SUPT3H: variants seen among roughly 807,000 people sequenced by gnomAD.
SUPT3H encodes transcription initiation protein SPT3 homolog.
SUPT3H carries 44 observed loss-of-function variants against 44.3 expected under a neutral mutation model. That is an observed-to-expected ratio of 0.99 (90% CI 0.78 to 1.28). The LOEUF is 1.28. Ranked by LOEUF, SUPT3H falls within the 50% of genes most tolerant of loss-of-function variation. SUPT3H has a pLI of 0.00. For synonymous variants in SUPT3H, 124 were observed against 125.6 expected, an observed-to-expected ratio of 0.99 and a Z score of 0.09; for missense variants, 380 against 387.1, an observed-to-expected ratio of 0.98 and a Z score of 0.15.
At chr6:44,938,977 T>A (rs1309264337) in intron 9 of SUPT3H, among the ~76,000 whole-genome samples, 1 of 152,180 alleles carries the variant, frequency 6.6e-6, no homozygotes, top group African/African-American at 2.4e-5. Context: ...GTGGAATCTT[T>A]AGGTTTTTCT....
At chr6:45,117,124 G>C (rs1300126) in intron 2 of SUPT3H, among the ~76,000 whole-genome samples, 93,811 of 151,808 alleles carry the variant, frequency 0.62, 29,573 homozygotes, top group African/African-American at 0.75. Flanking sequence ...TAAAAAAAAA[G>C]TTATAAAACT....
In SUPT3H at chr6:44,959,577, TATA is replaced by T. The variant is rs139943998; in HGVS notation, c.580+2173_580+2175del. 5.4e-3 allele frequency among the ~76,000 whole-genome samples: 821 copies of T among 152,186 alleles called. 11 individuals are homozygous for T. The highest frequency in any genetic ancestry group is 0.019 in the African/African-American group (791 of 41,556). ...TATAAATTTTAATGATTTAAATTAT[TATA>T]AATTATTCTTTATGATTATGAGCTT... On this transcript the variant is annotated intron_variant, in intron 7 of 10. Transcript: ENST00000371459.
intron 2 of SUPT3H, among the ~76,000 whole-genome samples, chr6:45,261,070 C>A (rs1774282837): frequency 6.6e-6 from 1 of 151,894 alleles, no homozygotes; most frequent in South Asian, 2.1e-4. Flanking sequence ...TTTTAAAACC[C>A]TACCAATCAA....
intron 10 of SUPT3H, among the ~76,000 whole-genome samples, chr6:44,876,828 C>A: frequency 1.0e-5 from 1 of 96,700 alleles, no homozygotes. Context: ...AAATAAAGAT[C>A]TTCAATTGAA....
At chr6:44,865,811 G>C (rs918454386) in intron 10 of SUPT3H, among the ~76,000 whole-genome samples, 4 of 152,144 alleles carry the variant, frequency 2.6e-5, no homozygotes, top group African/African-American at 4.8e-5. Context: ...CATATATTAA[G>C]TAGAATGTTC....
chr6:45,354,762 G>A (rs1288268326), intron 2 of SUPT3H, among the ~76,000 whole-genome samples: 1 of 152,126 alleles, frequency 6.6e-6, no homozygotes, highest in Admixed American at 6.6e-5. Context: ...TACTTTGGGA[G>A]GCTGAGGCAG....
intron 2 of SUPT3H, among the ~76,000 whole-genome samples, chr6:45,234,209 T>C (rs181876626): frequency 5.3e-5 from 8 of 152,274 alleles, no homozygotes; most frequent in Admixed American, 4.6e-4. Flanking sequence ...CTGGAGTGAG[T>C]ATCAGTTACA....
At position 45,231,725 on chromosome 6, in the gene SUPT3H, A is replaced by G. The variant is rs1198725497; in HGVS notation, c.102-125719T>C. ...CTCTCCTCAACCTTCAGGGATACTAATAACTCATACATTTGATCACTATGT... is the reference window on the plus strand; with the variant it reads ...CTCTCCTCAACCTTCAGGGATACTAGTAACTCATACATTTGATCACTATGT... On this transcript the variant is annotated intron_variant, in intron 2 of 10. Transcript: ENST00000371459. Among the ~76,000 whole-genome samples the G allele has an allele frequency of 7.9e-5, 12 of 152,192 alleles. 1 individual carries two copies. Among genetic ancestry groups the G allele is most frequent in the Admixed American group, 7.9e-4 (12 of 15,282 alleles).
chr6:45,092,641 T>C lies in SUPT3H; in HGVS notation c.186+13281A>G, dbSNP rs564443550. 2.4e-4 allele frequency among the ~76,000 whole-genome samples: 36 copies of C among 150,924 alleles called. No homozygotes were observed. The South Asian group carries it at 5.2e-3, about 22-fold the overall frequency. On this transcript the variant is annotated intron_variant, in intron 3 of 10. Transcript: ENST00000371459. ...GGCAGGCACCTGTAATCCCAGCTAC[T>C]TGGGGGACCGAGGCAGGAGAATTAC...
chr6:45,117,421 T>A (rs141991788), intron 2 of SUPT3H, among the ~76,000 whole-genome samples: 1 of 152,226 alleles, frequency 6.6e-6, no homozygotes. Context: ...TATACTGATA[T>A]CAATTGTGAG....
At chr6:45,160,616 A>G (rs1022841844) in intron 2 of SUPT3H, among the ~76,000 whole-genome samples, 2 of 150,976 alleles carry the variant, frequency 1.3e-5, no homozygotes, top group African/African-American at 4.9e-5. Flanking sequence ...AATTGAAACA[A>G]AAAAAAAATC....
At chr6:44,886,088 C>A (rs1020871778) in intron 10 of SUPT3H, among the ~76,000 whole-genome samples, 1 of 152,156 alleles carries the variant, frequency 6.6e-6, no homozygotes. Flanking sequence ...AAGAAACGAA[C>A]AATGCCTCCA....
chr6:45,014,643 T>C (rs1783973392), intron 5 of SUPT3H, among the ~76,000 whole-genome samples, 158 bp downstream of exon 5: 1 of 152,154 alleles, frequency 6.6e-6, no homozygotes, highest in South Asian at 2.1e-4. Flanking sequence ...TAATATGTTT[T>C]ATCAGAAATA....
chr6:45,317,227 C>CA (rs70996324), intron 2 of SUPT3H, among the ~76,000 whole-genome samples: 3,946 of 35,860 alleles, frequency 0.11, 614 homozygotes, highest in African/African-American at 0.13. Flanking sequence ...GACTCTGTCT[C>CA]AAAAAAAAAA....
intron 6 of SUPT3H, among the ~76,000 whole-genome samples, chr6:44,975,128 G>T (rs1410797701): frequency 6.6e-6 from 1 of 151,736 alleles, no homozygotes; most frequent in Non-Finnish European, 1.5e-5. Flanking sequence ...CAGAGATCGG[G>T]CCACTGCACT....
intron 6 of SUPT3H, among the ~76,000 whole-genome samples, chr6:44,983,209 A>G (rs1424583099): frequency 6.6e-6 from 1 of 152,170 alleles, no homozygotes; most frequent in Non-Finnish European, 1.5e-5. Context: ...AGTTATTTGT[A>G]GATCACCATA....
chr6:44,884,890 G>A (rs909651631), intron 10 of SUPT3H, among the ~76,000 whole-genome samples: 2 of 152,158 alleles, frequency 1.3e-5, no homozygotes, highest in African/African-American at 2.4e-5. Flanking sequence ...ACGGCACCTC[G>A]AAAATCGGGT....
chr6:45,279,976 G>C (rs1270324850), intron 2 of SUPT3H, among the ~76,000 whole-genome samples: 1 of 152,024 alleles, frequency 6.6e-6, no homozygotes, highest in Admixed American at 6.6e-5. Flanking sequence ...CTATTTAGTT[G>C]ACAAGAACAA....
At chr6:45,291,878 G>A (rs544709777) in intron 2 of SUPT3H, among the ~76,000 whole-genome samples, 8 of 152,256 alleles carry the variant, frequency 5.3e-5, no homozygotes, top group African/African-American at 1.7e-4. Flanking sequence ...GGGAATAATC[G>A]AGGAAAACTT....
Sources: allele counts gnomAD v4.1 joint callset (sites outside exome capture counted in the v4.1 genomes callset), GRCh38; gene constraint gnomAD v4.1.1; transcripts MANE v1.5; gene names NCBI Gene and HGNC (gene_info 2026-07-23, HGNC 2026-07-21).